The following TMEM218 variants were observed in gnomAD, a reference collection of about 807,000 sequenced individuals.
The protein encoded by TMEM218 is transmembrane protein 218.
A neutral mutation model predicts 10.0 loss-of-function variants in TMEM218; 8 were observed. The ratio of observed to expected loss-of-function variants is 0.80; its 90% CI spans 0.47 to 1.44. The LOEUF is 1.44. Among genes scored for constraint, TMEM218 ranks in the 40% most tolerant of loss-of-function variants. The probability of loss-of-function intolerance (pLI) is 0.00; values close to 1 mark genes in which losing one functional copy is unlikely to be tolerated. For synonymous variants in TMEM218, 66 were observed against 63.5 expected (o/e 1.04, Z -0.18); for missense variants, 110 against 140.1 (o/e 0.79, Z 1.08).
chr11:125,102,941 G>A (rs1951169155), intron 1 of TMEM218, 132 bp from the exon 2 acceptor site: 3 of 287,140 alleles, frequency 1.0e-5, no homozygotes, highest in East Asian at 1.7e-4. Flanking sequence ...TACAGGATGG[G>A]TAAGTGAGAT....
At chr11:125,107,773 CATA>C (rs1952575340) in intron 1 of TMEM218, among the ~76,000 whole-genome samples, 1 of 139,036 alleles carries the variant, frequency 7.2e-6, no homozygotes, top group Non-Finnish European at 1.5e-5. Flanking sequence ...TTTAAACTTT[CATA>C]ATAAAAAGAT....
chr11:125,110,237 T>C, intron 1 of TMEM218, among the ~76,000 whole-genome samples: 1 of 152,224 alleles, frequency 6.6e-6, no homozygotes, highest in Admixed American at 6.5e-5. Flanking sequence ...TCATTAAACC[T>C]TCTTTGAGAA....
rs1033976959 is a variant in TMEM218 at position 125,096,036 on chromosome 11, C to T, written c.*1570G>A. On this transcript the variant is annotated 3_prime_UTR_variant, in exon 5 of 5. Coordinates refer to ENST00000682305, the MANE Select transcript of TMEM218 (RefSeq NM_001258244.2). ...AGACTTATGCATTCTTTTTTCTCTC[C>T]CTCAATCTGCTTAGAGGATGTTTCT... is the stretch of plus-strand genomic sequence containing the variant. Among the ~76,000 whole-genome samples the T allele has an allele frequency of 2.2e-4, 33 of 152,132 alleles. No homozygotes were observed. The highest frequency in any genetic ancestry group is 1.6e-4 in the Non-Finnish European group (11 of 68,034).
intron 1 of TMEM218, among the ~76,000 whole-genome samples, chr11:125,107,165 A>T (rs2135916965): frequency 6.6e-6 from 1 of 152,310 alleles, no homozygotes; most frequent in South Asian, 2.1e-4. Flanking sequence ...TAGGGGCTGG[A>T]GGTCAGGCGT....
At chr11:125,102,375 T>G (rs1178944300) in intron 2 of TMEM218, 58 bp from the exon 3 acceptor site, 1 of 1,527,882 alleles carries the variant, frequency 6.5e-7, no homozygotes, top group Non-Finnish European at 8.7e-7. Flanking sequence ...AGGTTATTTT[T>G]TGATGATCAG....
chr11:125,097,391 C>CTAAGAAGA lies in TMEM218; in HGVS notation c.*214_*215insTCTTCTTA, dbSNP rs1949788288. The stretch of plus-strand genomic sequence containing the variant: ...CGGGTACTAAGAAGATAGCAATATC[C>CTAAGAAGA]TTCTTAAGCTGGTAAGAATCTAGCC... On this transcript the variant is annotated 3_prime_UTR_variant, in exon 5 of 5. Transcript: ENST00000682305. The CTAAGAAGA allele has an allele frequency of 4.4e-6, 2 of 456,258 alleles. No homozygotes were observed. The highest frequency in any genetic ancestry group is 4.0e-5 in the African/African-American group (2 of 50,484). 28.3% of individuals were successfully genotyped at this position (456,258 alleles called of 1,614,324 possible).
intron 4 of TMEM218, among the ~76,000 whole-genome samples, chr11:125,099,182 C>T (rs1432665253): frequency 1.3e-5 from 2 of 152,198 alleles, no homozygotes; most frequent in Non-Finnish European, 2.9e-5. Context: ...AAAGACACCT[C>T]AGCTGCTCCA....
intron 4 of TMEM218, 143 bp from the exon 5 acceptor site, chr11:125,097,883 T>C (rs1050167224): frequency 2.9e-6 from 2 of 696,388 alleles, no homozygotes; most frequent in African/African-American, 1.8e-5. Flanking sequence ...CCTCTGTACA[T>C]GAGAAAAAAG....
chr11:125,109,477 G>C (rs1026561388), intron 1 of TMEM218, among the ~76,000 whole-genome samples: 1 of 152,086 alleles, frequency 6.6e-6, no homozygotes, highest in South Asian at 2.1e-4. Flanking sequence ...AACTTGAGCT[G>C]GTGTGCCAAA....
At chr11:125,111,273 T>A (rs1455628953) in intron 1 of TMEM218, among the ~76,000 whole-genome samples, 2 of 152,144 alleles carry the variant, frequency 1.3e-5, no homozygotes, top group African/African-American at 4.8e-5. Context: ...CCTGGCCACC[T>A]CCCAGGAGCT....
At chr11:125,103,816 G>A in intron 1 of TMEM218, 1 of 152,080 alleles carries the variant, frequency 6.6e-6, no homozygotes, top group East Asian at 1.9e-4. Flanking sequence ...ATTCCTCTAG[G>A]TTGCTGGTTT....
In TMEM218 at chr11:125,095,762, T is replaced by C. The variant is rs1036433997; in HGVS notation, c.*1844A>G. Among the ~76,000 whole-genome samples the C allele has an allele frequency of 3.9e-5, 6 of 152,170 alleles. No individual in the cohort carries two copies. The highest frequency in any genetic ancestry group is 8.8e-5 in the Non-Finnish European group (6 of 68,030). On this transcript the variant is annotated 3_prime_UTR_variant, in exon 5 of 5. Coordinates refer to ENST00000682305, the MANE Select transcript of TMEM218 (RefSeq NM_001258244.2). The stretch of plus-strand genomic sequence containing the variant: ...TCCAACCTTAATACACTTTCCTCCA[T>C]CTAAATAGTCACCCAAAACCTCATA...
At chr11:125,110,370 C>A (rs1461238227) in intron 1 of TMEM218, 1 of 152,152 alleles carries the variant, frequency 6.6e-6, no homozygotes, top group Admixed American at 6.5e-5. Flanking sequence ...CAGCTGACAA[C>A]AAAAGCAACT....
At chr11:125,097,767 A>G in intron 4 of TMEM218, 27 bp from the exon 5 acceptor site, 1 of 1,609,842 alleles carries the variant, frequency 6.2e-7, no homozygotes, top group Non-Finnish European at 8.5e-7. Context: ...TCAAAATGAA[A>G]TTACTACCAG....
In TMEM218 at chr11:125,097,376, G is replaced by C. The variant is rs918338224; in HGVS notation, c.*230C>G. 3 of 415,800 alleles carry C rather than the reference G, an allele frequency of 7.2e-6. No individual in the cohort carries two copies. The highest frequency in any genetic ancestry group is 1.3e-5 in the Non-Finnish European group (3 of 236,112). The allele number at this position is 415,800 out of a possible 1,614,324, so 25.8% of individuals were successfully genotyped here. The stretch of plus-strand genomic sequence containing the variant: ...GGAAATCCTAAGGTACGGGTACTAA[G>C]AAGATAGCAATATCCTTCTTAAGCT... On this transcript the variant is annotated 3_prime_UTR_variant, in exon 5 of 5. Transcript: ENST00000682305.
At chr11:125,101,407 G>T (rs918770533) in intron 3 of TMEM218, 104 bp from the exon 4 acceptor site, 1 of 1,515,360 alleles carries the variant, frequency 6.6e-7, no homozygotes, top group Admixed American at 2.1e-5. Context: ...CTATGTTTCA[G>T]TCCCTTAACA....
In TMEM218 at chr11:125,101,736, G is replaced by T; in HGVS notation, c.110+396C>A. The stretch of plus-strand genomic sequence containing the variant: ...TTTATGGCCTAACCCTGTTCTGAAG[G>T]CAATGCCTGATATAGAAAGCAGGCC... On this transcript the variant is annotated intron_variant, in intron 3 of 4. Coordinates refer to ENST00000682305, the MANE Select transcript of TMEM218 (RefSeq NM_001258244.2). 3 of 504,360 alleles carry T rather than the reference G, an allele frequency of 5.9e-6. No homozygotes were observed. The East Asian group carries it at 9.6e-5, about 16-fold the overall frequency. The allele number at this position is 504,360 out of a possible 1,614,324, so 31.2% of individuals were successfully genotyped here. A position where few individuals can be genotyped will look rare whatever the true frequency, so the allele number is the denominator to read the frequency against.
intron 1 of TMEM218, 60 bp downstream of exon 1, chr11:125,111,479 A>C (rs1032589334): frequency 6.6e-6 from 1 of 152,162 alleles, no homozygotes; most frequent in African/African-American, 2.4e-5. Flanking sequence ...CCTTCTTCCA[A>C]CCACCTCAGC....
In TMEM218 at chr11:125,101,194, G is replaced by T; in HGVS notation, c.213+7C>A. On this transcript the variant is annotated splice_region_variant and intron_variant, in intron 4 of 4. Transcript: ENST00000682305. ...CTCAGGAGGCAAAACGAAAGCAACA[G>T]CTTTACCTTAACTTCCACTTCTGGG... is the stretch of plus-strand genomic sequence containing the variant. 6.2e-7 allele frequency: 1 copy of T among 1,612,662 alleles called. No individual in the cohort carries two copies. The highest frequency in any genetic ancestry group is 1.3e-5 in the African/African-American group (1 of 75,022).
Sources: allele counts gnomAD v4.1 joint callset (sites outside exome capture counted in the v4.1 genomes callset), GRCh38; gene constraint gnomAD v4.1.1; transcripts MANE v1.5; gene names NCBI Gene and HGNC (gene_info 2026-07-23, HGNC 2026-07-21).